Variants in MCM7 observed in about 807,000 individuals in gnomAD.
MCM7 encodes the protein DNA replication licensing factor MCM7.
In MCM7, 95 loss-of-function variants were observed where a neutral mutation model predicts 83.5. The ratio of observed to expected loss-of-function variants is 1.14; its 90% CI spans 0.96 to 1.35. The LOEUF is 1.35. Ranked by LOEUF, MCM7 falls within the 40% of genes most tolerant of loss-of-function variation. MCM7 has a pLI of 0.00. For missense variants in MCM7, 1,087 were observed against 957.4 expected (o/e 1.14, Z -1.79); for synonymous variants, 461 against 352.7 (o/e 1.31, Z -3.44).
In MCM7 at chr7:100,099,059, G is replaced by A. The variant is rs768954906; in HGVS notation, c.546C>T (p.Tyr182=). ...EVKPKMVVAT[Y]TCDQCGAETY... is the part of the protein sequence containing the mutation. Reference sequence around the variant, plus strand: ...TCTCTGCCCCACACTGGTCACAAGTGTAAGTGGCCACCACCATCTTGGGTT... The same window carrying A: ...TCTCTGCCCCACACTGGTCACAAGTATAAGTGGCCACCACCATCTTGGGTT... Residue 182 remains tyrosine, a synonymous_variant, in exon 5 of 15, where the codon TAC becomes TAT. Coordinates refer to ENST00000303887, the MANE Select transcript of MCM7 (RefSeq NM_005916.5). 4 of 1,614,164 alleles carry A rather than the reference G, an allele frequency of 2.5e-6. No individual in the cohort carries two copies. Among genetic ancestry groups the A allele is most frequent in the Non-Finnish European group, 3.4e-6 (4 of 1,180,024 alleles).
In MCM7 at chr7:100,099,047, C is replaced by A. The variant is rs780607612; in HGVS notation, c.558G>T (p.Gln186His). Residue 186 changes from glutamine (Q) to histidine (H), a missense_variant, in exon 5 of 15, where the codon CAG becomes CAT. Transcript: ENST00000303887. ...CCGGCTGGTAGGTCTCTGCCCCACA[C>A]TGGTCACAAGTGTAAGTGGCCACCA... ...KMVVATYTCD[Q>H]CGAETYQPIQ... 6.2e-7 allele frequency: 1 copy of A among 1,614,218 alleles called. No individual in the cohort carries two copies. The highest frequency in any genetic ancestry group is 1.7e-5 in the Admixed American group (1 of 60,028).
At position 100,096,162 on chromosome 7, in the gene MCM7, A is replaced by G; in HGVS notation, c.1207T>C (p.Tyr403His). The G allele has an allele frequency of 6.3e-7, 1 of 1,585,984 alleles. No homozygotes were observed. The highest frequency in any genetic ancestry group is 8.6e-7 in the Non-Finnish European group (1 of 1,165,232). ...YIDRLAPRSQ[Y>H]TTGRGSSGVG... The stretch of plus-strand genomic sequence containing the variant: ...CCTGAGGAGCCCCGGCCTGTTGTGT[A>G]CTGGCCTGGAAGAGAAGAAATAAGG... Residue 403 changes from tyrosine to histidine, a missense_variant, in exon 11 of 15, where the codon TAC (tyrosine) becomes CAC (histidine). Coordinates refer to ENST00000303887, the MANE Select transcript of MCM7 (RefSeq NM_005916.5).
At chr7:100,095,133 C>T (rs1400718262) in intron 12 of MCM7, among the ~76,000 whole-genome samples, 1 of 152,160 alleles carries the variant, frequency 6.6e-6, no homozygotes, top group Non-Finnish European at 1.5e-5. Context: ...GAGCTGAGAT[C>T]ACTACACTCC....
In MCM7 at chr7:100,098,625, G is replaced by C; in HGVS notation, c.673C>G (p.Arg225Gly). 6.2e-7 allele frequency: 1 copy of C among 1,614,088 alleles called. No individual in the cohort carries two copies. Among genetic ancestry groups the C allele is most frequent in the Non-Finnish European group, 8.5e-7 (1 of 1,180,030 alleles). ...TGGAATTTGATGAATCTGGAGCCCC[G>C]TGTCTGCAGATACAGCCGCCCTCCT... ...RSGGRLYLQT[R>G]GSRFIKFQEM... The change falls in exon 6 of 15, where the codon CGG (arginine) becomes GGG (glycine). Residue 225 changes from arginine to glycine, a missense_variant. Coordinates refer to ENST00000303887, the MANE Select transcript of MCM7 (RefSeq NM_005916.5).
Position 100,098,247 on chromosome 7 carries a change from A to C in MCM7, c.764T>G (p.Val255Gly). 1 of 1,614,090 alleles carries C rather than the reference A, an allele frequency of 6.2e-7. No homozygotes were observed. Among genetic ancestry groups the C allele is most frequent in the South Asian group, 1.1e-5 (1 of 91,076 alleles). Residue 255 changes from valine to glycine, a missense_variant, in exon 7 of 15, where the codon GTG (valine) becomes GGG (glycine). Coordinates refer to ENST00000303887, the MANE Select transcript of MCM7 (RefSeq NM_005916.5). ...CCTTGTGTTCTCTCCTTCTACCAGCACCGTGATACTACGAGGGATATTTCC... is the reference window on the plus strand; with the variant it reads ...CCTTGTGTTCTCTCCTTCTACCAGCCCCGTGATACTACGAGGGATATTTCC... The part of the protein sequence containing the change: ...PVGNIPRSIT[V>G]LVEGENTRIA...
In MCM7 at chr7:100,096,027, C is replaced by T; in HGVS notation, c.1342G>A (p.Asp448Asn). Residue 448 changes from aspartate to asparagine, a missense_variant, in exon 11 of 15, where the codon GAC becomes AAC. Physicochemically the swap from Asp to Asn is conservative, Grantham distance 23 (BLOSUM62 1). Transcript: ENST00000303887. ...GTGCGGTCGGCCTCAGCCATCTTGT[C>T]GAACTCATCAATGCAGCACACACCC... ...DQGVCCIDEF[D>N]KMAEADRTAI... The T allele has an allele frequency of 1.9e-6, 3 of 1,613,960 alleles. No homozygotes were observed. Among genetic ancestry groups the T allele is most frequent in the Non-Finnish European group, 2.5e-6 (3 of 1,179,994 alleles).
In MCM7 at chr7:100,093,051, C is replaced by G. The variant is rs766881090; in HGVS notation, c.2041G>C (p.Glu681Gln). The G allele has an allele frequency of 2.5e-6, 4 of 1,614,264 alleles. No individual in the cohort carries two copies. The East Asian group carries it at 8.9e-5, about 36-fold the overall frequency. ...GGRSVRFSEAEQRCVSRGFTP... is the reference protein window; with the variant it reads ...GGRSVRFSEAQQRCVSRGFTP... ...AAGCCACGAGATACACAGCGCTGCT[C>G]TGCCTCAGAGAACCGGACACTTCGG... Residue 681 changes from glutamate to glutamine, a missense_variant, in exon 15 of 15, where the codon GAG (glutamate) becomes CAG (glutamine). Physicochemically the swap from Glu to Gln is conservative, Grantham distance 29. Coordinates refer to ENST00000303887, the MANE Select transcript of MCM7 (RefSeq NM_005916.5).
rs1461206740 is a variant in MCM7, at chr7:100,095,807, A to G, written c.1562T>C (p.Ile521Thr). Reference protein sequence around the residue: ...LLSRFDLLWLIQDRPDRDNDL... With the variant: ...LLSRFDLLWLTQDRPDRDNDL... ...ATTGTCTCGGTCGGGCCGGTCCTGA[A>G]TCAGCCAGAGGAGGTCAAACCGGGA... is the stretch of plus-strand genomic sequence containing the variant. Residue 521 changes from isoleucine to threonine, a missense_variant, in exon 11 of 15, where the codon ATT becomes ACT. Transcript: ENST00000303887. 17 of 1,599,908 alleles carry G rather than the reference A, an allele frequency of 1.1e-5. No homozygotes were observed. Among genetic ancestry groups the G allele is most frequent in the Non-Finnish European group, 1.4e-5 (16 of 1,173,446 alleles).
In MCM7 at chr7:100,097,910, A is replaced by G. The variant is rs759163163; in HGVS notation, c.909T>C (p.Ile303=). Residue 303 remains isoleucine (I), a synonymous_variant, in exon 8 of 15, where the codon ATT becomes ATC. Coordinates refer to ENST00000303887, the MANE Select transcript of MCM7 (RefSeq NM_005916.5). ...CATCCTCACTCTTGTTCATCTTCAC[A>G]ATCCGATGGGCTTCCAGGTAGGTTT... The part of the protein sequence containing the change: ...LSETYLEAHR[I]VKMNKSEDDE... The G allele has an allele frequency of 5.6e-6, 9 of 1,614,166 alleles. No homozygotes were observed. The highest frequency in any genetic ancestry group is 3.3e-5 in the Admixed American group (2 of 60,018).
intron 1 of MCM7, 120 bp from the exon 2 acceptor site, chr7:100,100,213 C>T: frequency 2.7e-6 from 4 of 1,456,366 alleles, no homozygotes; most frequent in Non-Finnish European, 3.6e-6. Context: ...ATAAACCTAC[C>T]GAAGTCTCCC....
chr7:100,097,838 A>C lies in MCM7; in HGVS notation c.981T>G (p.Ile327Met). ...GELTREELRQ[I>M]AEEDFYEKLA... ...TCTCTCTCCCCTGCCCCTCACCTGC[A>C]ATTTGCCTCAGCTCCTCCCTGGTGA... The change falls in exon 8 of 15, where the codon ATT becomes ATG. Residue 327 changes from isoleucine to methionine, a missense_variant. Transcript: ENST00000303887. 1 of 1,614,068 alleles carries C rather than the reference A, an allele frequency of 6.2e-7. No homozygotes were observed. Among genetic ancestry groups the C allele is most frequent in the Non-Finnish European group, 8.5e-7 (1 of 1,179,978 alleles).
chr7:100,093,895 G>C (rs1218658109), intron 13 of MCM7: 2 of 677,300 alleles, frequency 3.0e-6, no homozygotes, highest in South Asian at 2.9e-5. Flanking sequence ...TGTAGCACAG[G>C]ATCTAGGACA....
rs771708499 is a variant in MCM7 at position 100,099,645 on chromosome 7, C to T, written c.220G>A (p.Ala74Thr). The T allele has an allele frequency of 2.5e-5, 40 of 1,613,988 alleles. No individual in the cohort carries two copies. The highest frequency in any genetic ancestry group is 3.3e-5 in the Admixed American group (2 of 59,996). Residue 74 changes from alanine to threonine, a missense_variant, in exon 3 of 15, where the codon GCG becomes ACG. Transcript: ENST00000303887. Reference protein sequence around the residue: ...DSICENARRYAKLFADAVQEL... With the variant: ...DSICENARRYTKLFADAVQEL... Reference sequence around the variant, plus strand: ...TGTACGGCATCAGCAAAGAGCTTCGCGTAGCGCCTGGCATTCTCACAAATT... The same window carrying T: ...TGTACGGCATCAGCAAAGAGCTTCGTGTAGCGCCTGGCATTCTCACAAATT...
rs374609144 is a variant in MCM7 at position 100,095,481 on chromosome 7, G to T, written c.1596-11C>A. 1 of 1,613,464 alleles carries T rather than the reference G, an allele frequency of 6.2e-7. No homozygotes were observed. The highest frequency in any genetic ancestry group is 1.7e-5 in the Admixed American group (1 of 59,954). On this transcript the variant is annotated splice_polypyrimidine_tract_variant and intron_variant, in intron 11 of 14. Transcript: ENST00000303887. ...ATGTGCTGGGCCAACCTGGACAGAGGGAAGGTTAGAAGGAACACCCTTTTT... is the reference window on the plus strand; with the variant it reads ...ATGTGCTGGGCCAACCTGGACAGAGTGAAGGTTAGAAGGAACACCCTTTTT...
Position 100,092,748 on chromosome 7 carries a change from G to C in MCM7, c.*184C>G. The C allele has an allele frequency of 3.1e-6, 2 of 648,074 alleles. No individual in the cohort carries two copies. The highest frequency in any genetic ancestry group is 3.9e-5 in the South Asian group (2 of 51,304). The allele number at this position is 648,074 out of a possible 1,614,324, so 40.1% of individuals were successfully genotyped here. On this transcript the variant is annotated 3_prime_UTR_variant, in exon 15 of 15. Transcript: ENST00000303887. ...GAATCTAAAAAACGCACAAAACCCT[G>C]TTTTAATGGAAGTCAGGCCCAGGCT... is the stretch of plus-strand genomic sequence containing the variant.
At chr7:100,094,054 C>A in intron 13 of MCM7, 119 bp downstream of exon 13, 2 of 1,284,208 alleles carry the variant, frequency 1.6e-6, no homozygotes, top group South Asian at 2.4e-5. Flanking sequence ...TCTGCACTGT[C>A]AGCACTTTAG....
chr7:100,097,420 C>T (rs1025068968), intron 9 of MCM7, 36 bp from the exon 10 acceptor site: 1 of 1,607,206 alleles, frequency 6.2e-7, no homozygotes, highest in African/African-American at 1.3e-5. Context: ...AATGACTCTT[C>T]TCCCAGTGCT....
At position 100,099,109 on chromosome 7, in the gene MCM7, T is replaced by C; in HGVS notation, c.496A>G (p.Ile166Val). The C allele has an allele frequency of 6.2e-7, 1 of 1,614,110 alleles. No individual in the cohort carries two copies. The highest frequency in any genetic ancestry group is 8.5e-7 in the Non-Finnish European group (1 of 1,180,034). Residue 166 changes from isoleucine (I) to valine (V), a missense_variant, in exon 5 of 15, where the codon ATC (isoleucine) becomes GTC (valine). Physicochemically the swap from Ile to Val is conservative, Grantham distance 29. Transcript: ENST00000303887. ...SVGKLVTVRG[I>V]VTRVSEVKPK... ...TTGACTTCAGAGACACGAGTGACGATTCCACGCACAGTTACCAACTTCCCC... is the reference window on the plus strand; with the variant it reads ...TTGACTTCAGAGACACGAGTGACGACTCCACGCACAGTTACCAACTTCCCC...
intron 6 of MCM7, 43 bp from the exon 7 acceptor site, chr7:100,098,333 G>C (rs372142950): frequency 4.4e-6 from 7 of 1,603,866 alleles, no homozygotes; most frequent in Non-Finnish European, 6.0e-6. Flanking sequence ...AAATGGACAA[G>C]GACCCAACCT....
Sources: allele counts gnomAD v4.1 joint callset (sites outside exome capture counted in the v4.1 genomes callset), GRCh38; gene constraint gnomAD v4.1.1; transcripts MANE v1.5; gene names NCBI Gene and HGNC (gene_info 2026-07-23, HGNC 2026-07-21).